Variants in CTNNA1 observed in about 807,000 individuals in gnomAD.
The protein encoded by CTNNA1 is catenin alpha 1.
A neutral mutation model predicts 98.4 loss-of-function variants in CTNNA1; 37 were observed. The ratio of observed to expected loss-of-function variants is 0.38; its 90% CI spans 0.29 to 0.49. The LOEUF (loss-of-function observed/expected upper bound fraction) is 0.49, where lower values mean the gene tolerates loss of function less well. Among genes scored for constraint, CTNNA1 ranks in the 20% least tolerant of loss-of-function variants. CTNNA1 has a pLI of 0.95. For missense variants in CTNNA1, 761 were observed against 1,147.2 expected (o/e 0.66, Z 4.86); for synonymous variants, 404 against 413.2 (o/e 0.98, Z 0.27).
intron 13 of CTNNA1, 92 bp from the exon 14 acceptor site, chr5:138,929,154 G>A: frequency 1.3e-6 from 1 of 782,838 alleles, no homozygotes; most frequent in Non-Finnish European, 2.4e-6. Context: ...CCAGAATTCT[G>A]GGCCTCCGTG....
At chr5:138,807,684 T>C (rs73790352) in intron 3 of CTNNA1, among the ~76,000 whole-genome samples, 4,987 of 152,170 alleles carry the variant, frequency 0.033, 229 homozygotes, top group African/African-American at 0.1. Context: ...TTCTGCTTAT[T>C]ATATAGGGTC....
chr5:138,837,277 G>C (rs1439786211), intron 7 of CTNNA1, among the ~76,000 whole-genome samples: 3 of 152,154 alleles, frequency 2.0e-5, no homozygotes, highest in Non-Finnish European at 4.4e-5. Context: ...TGTGAAGGTA[G>C]AATTTGGAAG....
chr5:138,765,249 C>T (rs1212043579), intron 1 of CTNNA1, among the ~76,000 whole-genome samples: 4 of 152,146 alleles, frequency 2.6e-5, no homozygotes, highest in Non-Finnish European at 5.9e-5. Flanking sequence ...CCAGGTTGGC[C>T]AGGCTGGTCT....
intron 3 of CTNNA1, among the ~76,000 whole-genome samples, chr5:138,805,774 A>G (rs533934003): frequency 5.7e-4 from 87 of 151,642 alleles, no homozygotes; most frequent in African/African-American, 2.0e-3. Context: ...TATTTAGTAT[A>G]AGAGTTCTTT....
chr5:138,872,954 C>G (rs1156458666), intron 7 of CTNNA1: 1 of 1,282,810 alleles, frequency 7.8e-7, no homozygotes, highest in East Asian at 2.3e-5. Context: ...TGTATTTAGC[C>G]TCTACTATGT....
intron 5 of CTNNA1, among the ~76,000 whole-genome samples, chr5:138,813,567 A>G (rs997794995): frequency 1.3e-5 from 2 of 152,220 alleles, no homozygotes; most frequent in Non-Finnish European, 2.9e-5. Flanking sequence ...TGGGTAGGCA[A>G]CGTGCTATGA....
intron 7 of CTNNA1, among the ~76,000 whole-genome samples, chr5:138,864,604 C>G (rs1764567988): frequency 6.6e-6 from 1 of 152,136 alleles, no homozygotes; most frequent in Admixed American, 6.5e-5. Context: ...AAATTATAAA[C>G]TAAATCCTCC....
chr5:138,764,183 TCAAAAAAA>T (rs1180358349), intron 1 of CTNNA1, among the ~76,000 whole-genome samples: 2 of 150,428 alleles, frequency 1.3e-5, no homozygotes, highest in Admixed American at 6.6e-5. Flanking sequence ...AGAATCTGTC[TCAAAAAAA>T]CAAAAAACAA....
At chr5:138,808,525 G>A (rs1401463239) in intron 3 of CTNNA1, among the ~76,000 whole-genome samples, 1 of 151,898 alleles carries the variant, frequency 6.6e-6, no homozygotes, top group African/African-American at 2.4e-5. Context: ...TGACAAATAT[G>A]TGGAGCGTAT....
intron 11 of CTNNA1, among the ~76,000 whole-genome samples, chr5:138,921,196 A>C (rs1001496085): frequency 6.6e-6 from 1 of 152,214 alleles, no homozygotes; most frequent in African/African-American, 2.4e-5. Flanking sequence ...CAAAGTGATA[A>C]AGACTCTTTG....
At chr5:138,895,331 AT>A (rs1756538179) in intron 9 of CTNNA1, among the ~76,000 whole-genome samples, 1 of 152,198 alleles carries the variant, frequency 6.6e-6, no homozygotes, top group Non-Finnish European at 1.5e-5. Flanking sequence ...ACTTTGTCTT[AT>A]TCTGAAGTAT....
At chr5:138,805,211 C>T (rs1757964774) in intron 3 of CTNNA1, among the ~76,000 whole-genome samples, 1 of 152,182 alleles carries the variant, frequency 6.6e-6, no homozygotes, top group Non-Finnish European at 1.5e-5. Flanking sequence ...CAGGCCCCAC[C>T]TCCAACATTG....
Position 138,874,965 on chromosome 5 carries a change from G to GT in CTNNA1, c.1063-11246dup, listed in dbSNP as rs1561625420. 1 of 1,596,874 alleles carries GT rather than the reference G, an allele frequency of 6.3e-7. No individual in the cohort carries two copies. The highest frequency in any genetic ancestry group is 1.7e-5 in the Admixed American group (1 of 59,884). On this transcript the variant is annotated intron_variant, in intron 7 of 17. Coordinates refer to ENST00000302763, the MANE Select transcript of CTNNA1 (RefSeq NM_001903.5). The surrounding 1 kb of genome is among the most constrained non-coding windows in gnomAD (Gnocchi z 4.1). ...AGTCGCGGTTGTTAGACTCAACGCA[G>GT]TGAGTCTGTAAAAGGCTCTAACATG...
At chr5:138,929,746 C>A (rs1481520192) in intron 14 of CTNNA1, among the ~76,000 whole-genome samples, 1 of 152,236 alleles carries the variant, frequency 6.6e-6, no homozygotes, top group African/African-American at 2.4e-5. Flanking sequence ...AACAGTGGTA[C>A]ATTCAAGAAA....
chr5:138,812,060 G>C (rs1019479484), intron 4 of CTNNA1, 123 bp from the exon 5 acceptor site: 1 of 781,388 alleles, frequency 1.3e-6, no homozygotes, highest in African/African-American at 1.7e-5. Context: ...GCGCAAACTC[G>C]AGAGCTAAGT....
rs368194586 is a variant in CTNNA1 at position 138,765,331 on chromosome 5, G to A, written c.-3+11821G>A. ...GCTAGGATTACAGGCGTGAGCCACC[G>A]CGCCCGGCCCCAGCTAATTTTCTTA... On this transcript the variant is annotated intron_variant, in intron 1 of 17. Transcript: ENST00000302763. Among the ~76,000 whole-genome samples, 790 of 151,990 alleles carry A rather than the reference G, an allele frequency of 5.2e-3. 10 individuals are homozygous for A. The South Asian group carries it at 0.055, about 11-fold the overall frequency.
intron 13 of CTNNA1, among the ~76,000 whole-genome samples, chr5:138,926,896 GCCTC>G (rs1342857562): frequency 1.3e-5 from 2 of 152,058 alleles, no homozygotes; most frequent in East Asian, 1.9e-4. Context: ...TGCGCACCTT[GCCTC>G]CTCCCTCTCA....
chr5:138,825,619 TA>T (rs896401377), intron 6 of CTNNA1, among the ~76,000 whole-genome samples: 3 of 150,552 alleles, frequency 2.0e-5, no homozygotes, highest in Non-Finnish European at 4.4e-5. Context: ...AAATATAGAA[TA>T]AAAAAAAATT....
intron 13 of CTNNA1, among the ~76,000 whole-genome samples, chr5:138,926,957 T>C (rs938312423): frequency 6.6e-6 from 1 of 152,190 alleles, no homozygotes; most frequent in African/African-American, 2.4e-5. Context: ...GACTCCGTCT[T>C]CCCTTGCTCG....
Sources: gnomAD v4.1 joint callset for allele counts (sites outside exome capture counted in the v4.1 genomes callset) on GRCh38, gnomAD v4.1.1 for gene constraint, Gnocchi (gnomAD v3.1) non-coding constraint, MANE v1.5 for transcripts, NCBI Gene and HGNC (gene_info 2026-07-23, HGNC 2026-07-21) for gene names.